The following SCHIP1 variants were observed in gnomAD, a reference collection of about 807,000 sequenced individuals.
SCHIP1 encodes the protein schwannomin-interacting protein 1.
A neutral mutation model predicts 29.7 loss-of-function variants in SCHIP1; 8 were observed. The ratio of observed to expected loss-of-function variants is 0.27; its 90% confidence interval spans 0.16 to 0.49. SCHIP1 has a LOEUF of 0.49. Among genes scored for constraint, SCHIP1 ranks in the 20% least tolerant of loss-of-function variants. SCHIP1 has a pLI of 0.99. For missense variants in SCHIP1, 193 were observed against 294.6 expected, an observed-to-expected ratio of 0.66 and a Z score of 2.52; for synonymous variants, 76 against 94.9, an observed-to-expected ratio of 0.80 and a Z score of 1.16.
At chr3:159,700,753 C>T in the SCHIP1 span, among the ~76,000 whole-genome samples, 1 of 150,396 alleles carries the variant, frequency 6.6e-6, no homozygotes, top group South Asian at 2.1e-4. Context: ...GCAGAGGTTG[C>T]AGTGAGCCAA....
At chr3:159,282,817 A>G in the SCHIP1 span, 1 of 152,190 alleles carries the variant, frequency 6.6e-6, no homozygotes, top group Non-Finnish European at 1.5e-5. Flanking sequence ...TCACATGTCT[A>G]TTCTAGTACC....
chr3:159,679,784 T>C, the SCHIP1 span, among the ~76,000 whole-genome samples: 1 of 152,028 alleles, frequency 6.6e-6, no homozygotes, highest in Non-Finnish European at 1.5e-5. Context: ...CTGAGAGCAG[T>C]ACTGTGCTCA....
the SCHIP1 span, among the ~76,000 whole-genome samples, chr3:159,728,344 A>G: frequency 6.6e-6 from 1 of 152,164 alleles, no homozygotes; most frequent in Non-Finnish European, 1.5e-5. Flanking sequence ...AAAGGCAGAA[A>G]TTCTCTTGAC....
At chr3:159,855,463 G>A (rs933308368) in intron 1 of SCHIP1, among the ~76,000 whole-genome samples, 12 of 152,014 alleles carry the variant, frequency 7.9e-5, no homozygotes, top group Non-Finnish European at 1.5e-4. Context: ...ATTAGATGCC[G>A]TAAAGTGGGG....
chr3:159,754,013 T>C, the SCHIP1 span, among the ~76,000 whole-genome samples: 1 of 152,178 alleles, frequency 6.6e-6, no homozygotes, highest in African/African-American at 2.4e-5. Context: ...CAAACTGTAA[T>C]TTAAATTGTT....
the SCHIP1 span, among the ~76,000 whole-genome samples, chr3:159,799,784 A>ATTT: frequency 1.3e-5 from 2 of 152,240 alleles, no homozygotes; most frequent in Non-Finnish European, 2.9e-5. Flanking sequence ...CCAGATTAAA[A>ATTT]GGGCCTTCTC....
the SCHIP1 span, among the ~76,000 whole-genome samples, chr3:159,723,381 C>T: frequency 6.6e-6 from 1 of 151,898 alleles, no homozygotes. Flanking sequence ...ATATTTTTTG[C>T]AATGTTTCTA....
the SCHIP1 span, among the ~76,000 whole-genome samples, chr3:159,788,648 C>T: frequency 6.6e-6 from 1 of 151,376 alleles, no homozygotes; most frequent in African/African-American, 2.4e-5. Flanking sequence ...CACCACACTT[C>T]ATTCATTCAC....
the SCHIP1 span, among the ~76,000 whole-genome samples, chr3:159,628,827 A>C: frequency 6.6e-6 from 1 of 152,194 alleles, no homozygotes; most frequent in Non-Finnish European, 1.5e-5. Flanking sequence ...TAAAGATATC[A>C]AAGCAGCACC....
chr3:159,704,869 TTTCTTTCTTTC>T, the SCHIP1 span, among the ~76,000 whole-genome samples: 1 of 23,974 alleles, frequency 4.2e-5, no homozygotes, highest in South Asian at 8.9e-4. Flanking sequence ...TCCTTTTTTC[TTTCTTTCTTTC>T]TTTCTTTCTT....
At chr3:159,399,886 C>T in the SCHIP1 span, among the ~76,000 whole-genome samples, 1 of 152,164 alleles carries the variant, frequency 6.6e-6, no homozygotes, top group African/African-American at 2.4e-5. Context: ...CTATGTTGCC[C>T]AGGCTGGTAT....
the SCHIP1 span, among the ~76,000 whole-genome samples, chr3:159,388,263 A>G: frequency 6.6e-6 from 1 of 152,172 alleles, no homozygotes; most frequent in African/African-American, 2.4e-5. Flanking sequence ...AAACATTAAG[A>G]AACAATTGCT....
chr3:159,507,101 AT>A, the SCHIP1 span, among the ~76,000 whole-genome samples: 1 of 152,212 alleles, frequency 6.6e-6, no homozygotes, highest in African/African-American at 2.4e-5. Flanking sequence ...ACCCATGAGC[AT>A]GGAATGTTCT....
At chr3:159,646,979 A>G in the SCHIP1 span, among the ~76,000 whole-genome samples, 2 of 152,102 alleles carry the variant, frequency 1.3e-5, no homozygotes, top group African/African-American at 4.8e-5. Flanking sequence ...TAGATCTGGA[A>G]CACAGGAGAG....
At chr3:159,448,337 G>T in the SCHIP1 span, among the ~76,000 whole-genome samples, 1 of 151,980 alleles carries the variant, frequency 6.6e-6, no homozygotes, top group African/African-American at 2.4e-5. Context: ...CAGGTGTGGT[G>T]GTGCACGCCT....
chr3:159,302,245 T>A, the SCHIP1 span, among the ~76,000 whole-genome samples: 1 of 152,172 alleles, frequency 6.6e-6, no homozygotes, highest in Non-Finnish European at 1.5e-5. Flanking sequence ...TTGGCTAGGA[T>A]TTTTCTGAGA....
At chr3:159,875,248 A>G (rs917306156) in intron 2 of SCHIP1, among the ~76,000 whole-genome samples, 9 of 152,230 alleles carry the variant, frequency 5.9e-5, no homozygotes, top group Non-Finnish European at 8.8e-5. Flanking sequence ...TTTGTCTAAT[A>G]AATAGTCTCA....
the SCHIP1 span, among the ~76,000 whole-genome samples, chr3:159,749,487 C>T: frequency 6.6e-6 from 1 of 152,130 alleles, no homozygotes; most frequent in Non-Finnish European, 1.5e-5. Flanking sequence ...ACACCATCTC[C>T]TTGGCCATTG....
chr3:159,673,629 C>T, the SCHIP1 span, among the ~76,000 whole-genome samples: 2 of 152,262 alleles, frequency 1.3e-5, no homozygotes, highest in Non-Finnish European at 2.9e-5. Flanking sequence ...AATGAGTTAC[C>T]GCAAATCCTT....
Sources: allele counts gnomAD v4.1 joint callset (sites outside exome capture counted in the v4.1 genomes callset), GRCh38; gene constraint gnomAD v4.1.1; transcripts MANE v1.5; gene names NCBI Gene and HGNC (gene_info 2026-07-23, HGNC 2026-07-21).